Variants in MARCHF1 observed in about 807,000 individuals in gnomAD.
MARCHF1 encodes the protein E3 ubiquitin-protein ligase MARCHF1.
A neutral mutation model predicts 54.2 loss-of-function variants in MARCHF1; 40 were observed. The ratio of observed to expected loss-of-function variants is 0.74; its 90% CI spans 0.57 to 0.96. The LOEUF (loss-of-function observed/expected upper bound fraction) is 0.96. Among genes scored for constraint, MARCHF1 ranks in the 40% least tolerant of loss-of-function variants. The pLI is 0.00. For synonymous variants in MARCHF1, 236 were observed against 236.3 expected, an observed-to-expected ratio of 1.00 and a Z score of 0.01; for missense variants, 586 against 656.5, an observed-to-expected ratio of 0.89 and a Z score of 1.17.
intron 9 of MARCHF1, among the ~76,000 whole-genome samples, chr4:163,535,727 G>A (rs1738506453): frequency 6.7e-6 from 1 of 150,358 alleles, no homozygotes; most frequent in South Asian, 2.1e-4. Flanking sequence ...TATGCAGAGA[G>A]TCCATGCATT....
At chr4:163,873,911 G>A (rs1750234132) in intron 3 of MARCHF1, among the ~76,000 whole-genome samples, 1 of 152,202 alleles carries the variant, frequency 6.6e-6, no homozygotes, top group African/African-American at 2.4e-5. Flanking sequence ...ATGTTGGCAT[G>A]TAGGCCTTGC....
At chr4:164,248,108 A>C (rs1046224536) in intron 1 of MARCHF1, among the ~76,000 whole-genome samples, 1 of 151,984 alleles carries the variant, frequency 6.6e-6, no homozygotes, top group Admixed American at 6.6e-5. Context: ...CCTAGAGAAA[A>C]TTAGGACCTA....
intron 2 of MARCHF1, among the ~76,000 whole-genome samples, chr4:164,015,090 T>C (rs1753507568): frequency 6.6e-6 from 1 of 152,140 alleles, no homozygotes; most frequent in African/African-American, 2.4e-5. Context: ...ATCAAGGTAC[T>C]AGCATAAAAA....
chr4:163,624,988 A>C (rs1741820122), intron 5 of MARCHF1, among the ~76,000 whole-genome samples: 1 of 152,230 alleles, frequency 6.6e-6, no homozygotes, highest in South Asian at 2.1e-4. Context: ...TTATCTAACA[A>C]ATTAAATACA....
chr4:163,631,658 A>G (rs1016294562), intron 5 of MARCHF1, among the ~76,000 whole-genome samples: 1 of 152,238 alleles, frequency 6.6e-6, no homozygotes, highest in Non-Finnish European at 1.5e-5. Context: ...TAAACAATAC[A>G]CAGATACAAA....
chr4:164,343,221 T>C (rs914529461), intron 1 of MARCHF1, among the ~76,000 whole-genome samples: 4 of 152,194 alleles, frequency 2.6e-5, no homozygotes, highest in African/African-American at 9.6e-5. Context: ...TCACAATGTA[T>C]ACATATATCA....
chr4:163,650,242 CTAAT>C (rs1742916938), intron 5 of MARCHF1, among the ~76,000 whole-genome samples: 1 of 151,770 alleles, frequency 6.6e-6, no homozygotes, highest in Non-Finnish European at 1.5e-5. Context: ...AGTTATTAAA[CTAAT>C]AAACCTAATG....
At chr4:164,262,490 C>T (rs1425126165) in intron 1 of MARCHF1, among the ~76,000 whole-genome samples, 1 of 152,178 alleles carries the variant, frequency 6.6e-6, no homozygotes, top group Non-Finnish European at 1.5e-5. Flanking sequence ...TACCACTGCA[C>T]TTTGTTGTAC....
At position 164,356,800 on chromosome 4, in the gene MARCHF1, T is replaced by C. The variant is rs1174115805; in HGVS notation, c.-323+27070A>G. ...AAAAGCAAAAAAAAAAAAAATAGTA[T>C]TGTTAACACTTTTGTCCATTGTATT... is the stretch of plus-strand genomic sequence containing the variant. On this transcript the variant is annotated intron_variant, in intron 1 of 9. Transcript: ENST00000514618. Among the ~76,000 whole-genome samples, 4 of 106,470 alleles carry C rather than the reference T, an allele frequency of 3.8e-5. No homozygotes were observed. The South Asian group carries it at 1.3e-3, about 34-fold the overall frequency. 69.8% of individuals were successfully genotyped at this position (106,470 alleles called of 152,430 possible).
chr4:164,208,103 A>G (rs141495745), intron 1 of MARCHF1, among the ~76,000 whole-genome samples: 79 of 152,304 alleles, frequency 5.2e-4, no homozygotes, highest in African/African-American at 1.9e-3. Context: ...TGAATCCCTG[A>G]TGTCAAGGAG....
intron 5 of MARCHF1, among the ~76,000 whole-genome samples, chr4:163,626,150 C>T (rs2110974460): frequency 6.6e-6 from 1 of 152,298 alleles, no homozygotes; most frequent in East Asian, 1.9e-4. Context: ...AGGAGGCCAG[C>T]TGCACTAATT....
chr4:164,231,910 C>T (rs1220829887), intron 1 of MARCHF1, among the ~76,000 whole-genome samples: 1 of 152,062 alleles, frequency 6.6e-6, no homozygotes, highest in Non-Finnish European at 1.5e-5. Flanking sequence ...TGCTTTGACA[C>T]TATAATTGCA....
chr4:164,181,079 A>T (rs997541011), intron 1 of MARCHF1, among the ~76,000 whole-genome samples: 1 of 152,176 alleles, frequency 6.6e-6, no homozygotes, highest in African/African-American at 2.4e-5. Flanking sequence ...ACAAAATCTT[A>T]GTAGGTCTTG....
intron 4 of MARCHF1, among the ~76,000 whole-genome samples, chr4:163,789,997 ATAAC>A (rs1747730635): frequency 6.6e-6 from 1 of 152,126 alleles, no homozygotes; most frequent in South Asian, 2.1e-4. Flanking sequence ...TTCAGTAAGT[ATAAC>A]TACACAAAAA....
chr4:164,021,284 C>G (rs1753658142), intron 2 of MARCHF1, among the ~76,000 whole-genome samples: 2 of 152,120 alleles, frequency 1.3e-5, no homozygotes, highest in Admixed American at 1.3e-4. Context: ...TCTTAGGCAG[C>G]ATCTCTCTTC....
At chr4:164,111,415 A>G (rs1233125300) in intron 2 of MARCHF1, among the ~76,000 whole-genome samples, 173 bp downstream of exon 2, 4 of 151,816 alleles carry the variant, frequency 2.6e-5, no homozygotes, top group Non-Finnish European at 5.9e-5. Flanking sequence ...ATGCCTTTTC[A>G]TTATTCATTG....
At chr4:164,021,652 T>G (rs928429026) in intron 2 of MARCHF1, among the ~76,000 whole-genome samples, 1 of 152,090 alleles carries the variant, frequency 6.6e-6, no homozygotes, top group African/African-American at 2.4e-5. Flanking sequence ...ATGGTCCATT[T>G]TTGACCAGCC....
chr4:163,955,964 T>C (rs1323742598), intron 3 of MARCHF1, among the ~76,000 whole-genome samples: 4 of 152,140 alleles, frequency 2.6e-5, no homozygotes, highest in Admixed American at 2.0e-4. Context: ...AAATGCAATA[T>C]GGATCCTGAA....
At chr4:163,792,698 A>G (rs576991386) in intron 4 of MARCHF1, among the ~76,000 whole-genome samples, 22 of 152,312 alleles carry the variant, frequency 1.4e-4, no homozygotes, top group South Asian at 1.2e-3. Context: ...GTAATTTTCT[A>G]TATATGGAAA....
Sources: gnomAD v4.1 joint callset for allele counts (sites outside exome capture counted in the v4.1 genomes callset) on GRCh38, gnomAD v4.1.1 for gene constraint, MANE v1.5 for transcripts, NCBI Gene and HGNC (gene_info 2026-07-23, HGNC 2026-07-21) for gene names.